The following CYP2J2 variants were observed in gnomAD, a reference collection of about 807,000 sequenced individuals.
CYP2J2 encodes cytochrome P450 family 2 subfamily J member 2.
Under a neutral mutation model 48.8 loss-of-function variants are expected in CYP2J2, and 41 were observed. The observed-to-expected ratio is 0.84, with a 90% confidence interval of 0.66 to 1.09. CYP2J2 has a LOEUF of 1.09. Among genes scored for constraint, CYP2J2 ranks in the 50% least tolerant of loss-of-function variants. The pLI, the probability that CYP2J2 is intolerant of heterozygous loss-of-function variation, is 0.00. For synonymous variants in CYP2J2, 221 were observed against 227.1 expected (o/e 0.97, Z 0.24); for missense variants, 644 against 617.3 (o/e 1.04, Z -0.46).
chr1:59,931,037 G>A (rs191837176), upstream of CYP2J2, among the ~76,000 whole-genome samples: 2 of 151,864 alleles, frequency 1.3e-5, no homozygotes, highest in African/African-American at 4.8e-5. Context: ...TCCTGTCTTC[G>A]CAACAAGAAA....
At chr1:59,965,584 G>A in the CYP2J2 span, among the ~76,000 whole-genome samples, 1 of 152,168 alleles carries the variant, frequency 6.6e-6, no homozygotes, top group Non-Finnish European at 1.5e-5. Context: ...TGGGATGAAC[G>A]CTCAGTGGAT....
At chr1:59,897,166 T>C (rs1166930921) in intron 8 of CYP2J2, among the ~76,000 whole-genome samples, 1 of 152,220 alleles carries the variant, frequency 6.6e-6, no homozygotes, top group East Asian at 1.9e-4. Flanking sequence ...TTTATCTCTT[T>C]ATCCATCACA....
At chr1:59,905,391 T>G (rs1366843222) in intron 6 of CYP2J2, among the ~76,000 whole-genome samples, 1 of 152,130 alleles carries the variant, frequency 6.6e-6, no homozygotes, top group African/African-American at 2.4e-5. Context: ...GTAGAAGGAG[T>G]GAGGCAGCTC....
At chr1:59,895,146 G>A (rs922184588) in intron 8 of CYP2J2, among the ~76,000 whole-genome samples, 1 of 152,168 alleles carries the variant, frequency 6.6e-6, no homozygotes, top group African/African-American at 2.4e-5. Flanking sequence ...ACATCTTCCC[G>A]AGGTCCCATT....
At chr1:59,946,963 TA>T in the CYP2J2 span, among the ~76,000 whole-genome samples, 16 of 146,284 alleles carry the variant, frequency 1.1e-4, no homozygotes, top group Admixed American at 4.1e-4. Context: ...AAGCATTTTG[TA>T]AAAAAAAAAA....
At chr1:59,917,825 A>G (rs1644480453) in intron 1 of CYP2J2, among the ~76,000 whole-genome samples, 2 of 152,184 alleles carry the variant, frequency 1.3e-5, no homozygotes, top group South Asian at 4.1e-4. Context: ...AGGCAGTGGT[A>G]ACAATCCGAA....
chr1:59,918,161 G>A (rs1457657413), intron 1 of CYP2J2, among the ~76,000 whole-genome samples: 1 of 152,168 alleles, frequency 6.6e-6, no homozygotes, highest in Non-Finnish European at 1.5e-5. Context: ...AGAAATGGCA[G>A]TAATGGGACC....
the CYP2J2 span, among the ~76,000 whole-genome samples, chr1:59,957,681 GACAC>G: frequency 5.2e-4 from 71 of 137,310 alleles, no homozygotes; most frequent in Admixed American, 9.8e-4. Context: ...CAGACACACA[GACAC>G]ACACACACAC....
At chr1:59,967,253 AACC>A in the CYP2J2 span, among the ~76,000 whole-genome samples, 1 of 152,182 alleles carries the variant, frequency 6.6e-6, no homozygotes, top group Non-Finnish European at 1.5e-5. Context: ...GGTTTATGCA[AACC>A]TCTTAAAAGA....
chr1:59,909,688 C>A, intron 5 of CYP2J2, 96 bp downstream of exon 5: 1 of 864,156 alleles, frequency 1.2e-6, no homozygotes, highest in African/African-American at 1.8e-5. Context: ...TTTTAGGCAC[C>A]AAGTTTGTGA....
chr1:59,955,858 C>T, the CYP2J2 span, among the ~76,000 whole-genome samples: 15,248 of 151,916 alleles, frequency 0.1, 785 homozygotes, highest in Middle Eastern at 0.13. Context: ...AGGAAACTAA[C>T]GAGACGACAC....
chr1:59,923,360 T>C (rs1644534625), intron 1 of CYP2J2, among the ~76,000 whole-genome samples: 1 of 152,228 alleles, frequency 6.6e-6, no homozygotes. Context: ...AAAAGATCTG[T>C]ATAGTATCCA....
chr1:59,965,463 A>G, the CYP2J2 span, among the ~76,000 whole-genome samples: 2 of 152,346 alleles, frequency 1.3e-5, no homozygotes, highest in Admixed American at 1.3e-4. Context: ...AACACAGAGC[A>G]TAAGAGATAC....
chr1:59,898,500 T>C (rs534457671), intron 8 of CYP2J2, among the ~76,000 whole-genome samples: 8 of 152,358 alleles, frequency 5.3e-5, no homozygotes, highest in South Asian at 4.1e-4. Flanking sequence ...ATCTGACTTA[T>C]AGACTTGTGA....
intron 2 of CYP2J2, among the ~76,000 whole-genome samples, chr1:59,915,024 A>G (rs944480063): frequency 1.3e-5 from 2 of 152,202 alleles, no homozygotes; most frequent in African/African-American, 4.8e-5. Flanking sequence ...GGGTGGAGAA[A>G]AGCATAAATC....
the CYP2J2 span, among the ~76,000 whole-genome samples, chr1:59,965,231 A>G: frequency 6.6e-6 from 1 of 152,218 alleles, no homozygotes; most frequent in Admixed American, 6.5e-5. Context: ...CAACCAAGTA[A>G]AGATATTAAA....
the CYP2J2 span, among the ~76,000 whole-genome samples, chr1:59,933,967 A>G: frequency 2.0e-5 from 3 of 152,186 alleles, no homozygotes; most frequent in African/African-American, 7.2e-5. Flanking sequence ...CTGCAGGCAC[A>G]AAACTTTCCT....
At chr1:59,945,816 G>T in the CYP2J2 span, among the ~76,000 whole-genome samples, 4 of 152,214 alleles carry the variant, frequency 2.6e-5, no homozygotes, top group Non-Finnish European at 4.4e-5. Context: ...AGGCTAAGAA[G>T]TTTGGAATCA....
chr1:59,929,815 T>A (rs561208737), upstream of CYP2J2, among the ~76,000 whole-genome samples: 1 of 152,222 alleles, frequency 6.6e-6, no homozygotes, highest in South Asian at 2.1e-4. Flanking sequence ...TACCATAGAA[T>A]ACAATGGCGA....
Sources: allele counts gnomAD v4.1 joint callset (sites outside exome capture counted in the v4.1 genomes callset), GRCh38; gene constraint gnomAD v4.1.1; transcripts MANE v1.5; gene names NCBI Gene and HGNC (gene_info 2026-07-23, HGNC 2026-07-21).